NUP93: variants seen among roughly 807,000 people sequenced by gnomAD.
NUP93 encodes nucleoporin 93.
In NUP93, 55 loss-of-function variants were observed where a neutral mutation model predicts 107.8. The observed-to-expected ratio is 0.51, with a 90% confidence interval of 0.41 to 0.64. NUP93 has a LOEUF of 0.64. NUP93 is among the 30% of genes least tolerant of loss of function. NUP93 has a pLI of 0.00. For missense variants in NUP93, 937 were observed against 1,044.7 expected, an observed-to-expected ratio of 0.90 and a Z score of 1.42; for synonymous variants, 390 against 397.5, an observed-to-expected ratio of 0.98 and a Z score of 0.22.
chr16:56,775,043 G>A (rs971913580), intron 3 of NUP93, among the ~76,000 whole-genome samples: 1 of 151,930 alleles, frequency 6.6e-6, no homozygotes, highest in Non-Finnish European at 1.5e-5. Flanking sequence ...GGGACTACAG[G>A]CACATGCCAC....
At position 56,796,035 on chromosome 16, in the gene NUP93, C is replaced by T. The variant is rs192567610; in HGVS notation, c.298-2441C>T. On this transcript the variant is annotated intron_variant, in intron 3 of 21. Coordinates refer to ENST00000308159, the MANE Select transcript of NUP93 (RefSeq NM_014669.5). Reference sequence around the variant, plus strand: ...CACTGCCCAGGTTTTTGGGGTGTGACAGCACCTGTTGGGGAGACATAGGCC... The same window carrying T: ...CACTGCCCAGGTTTTTGGGGTGTGATAGCACCTGTTGGGGAGACATAGGCC... Among the ~76,000 whole-genome samples, 60 of 152,280 alleles carry T rather than the reference C, an allele frequency of 3.9e-4. 1 individual carries two copies. The highest frequency in any genetic ancestry group is 1.4e-3 in the African/African-American group (57 of 41,548).
At chr16:56,787,514 A>T (rs1302843935) in intron 3 of NUP93, among the ~76,000 whole-genome samples, 1 of 152,174 alleles carries the variant, frequency 6.6e-6, no homozygotes, top group African/African-American at 2.4e-5. Context: ...TGACTGCGAG[A>T]CACACCCTCT....
intron 3 of NUP93, among the ~76,000 whole-genome samples, chr16:56,765,675 A>G (rs1273005841): frequency 6.6e-6 from 1 of 152,224 alleles, no homozygotes; most frequent in Non-Finnish European, 1.5e-5. Flanking sequence ...AGTGGTGTCT[A>G]CATCACACCT....
At chr16:56,746,592 T>G (rs1961824461) in intron 1 of NUP93, among the ~76,000 whole-genome samples, 1 of 152,274 alleles carries the variant, frequency 6.6e-6, no homozygotes, top group Non-Finnish European at 1.5e-5. Flanking sequence ...TGCCTTTGCC[T>G]TTAAAGTTAA....
intron 21 of NUP93, among the ~76,000 whole-genome samples, chr16:56,842,379 T>C (rs1964042511): frequency 6.6e-6 from 1 of 152,146 alleles, no homozygotes; most frequent in Admixed American, 6.5e-5. Context: ...GCTGGGTCTC[T>C]CTGACACCTG....
intron 5 of NUP93, among the ~76,000 whole-genome samples, chr16:56,809,893 A>G (rs1963276128): frequency 6.6e-6 from 1 of 152,250 alleles, no homozygotes. Context: ...AAACAAATGT[A>G]TAATATCGTT....
rs1964151061 is a variant in NUP93 at position 56,849,333 on chromosome 16, T to C, written c.*4724T>C. ...ACTGTGAATAATGAAGGCCGGATCT[T>C]TAAAAAGAAAAAGGGACGGGGTGCT... On this transcript the variant is annotated 3_prime_UTR_variant, in exon 22 of 22. Coordinates refer to ENST00000308159, the MANE Select transcript of NUP93 (RefSeq NM_014669.5). 6.6e-6 allele frequency: 1 copy of C among 152,198 alleles called. No homozygotes were observed. Among genetic ancestry groups the C allele is most frequent in the South Asian group, 2.1e-4 (1 of 4,830 alleles). 9.4% of individuals were successfully genotyped at this position (152,198 alleles called of 1,614,324 possible).
chr16:56,747,279 C>A (rs1222239204), intron 1 of NUP93, among the ~76,000 whole-genome samples: 2 of 152,292 alleles, frequency 1.3e-5, no homozygotes, highest in African/African-American at 4.8e-5. Flanking sequence ...GGATTACAGG[C>A]GTGAGCCATT....
At chr16:56,732,382 G>C (rs1177327724) in intron 1 of NUP93, among the ~76,000 whole-genome samples, 1 of 152,218 alleles carries the variant, frequency 6.6e-6, no homozygotes, top group African/African-American at 2.4e-5. Flanking sequence ...GAATGAGACA[G>C]GCCTGCCCTC....
At chr16:56,834,899 T>A in intron 16 of NUP93, 121 bp downstream of exon 16, 1 of 767,436 alleles carries the variant, frequency 1.3e-6, no homozygotes, top group Non-Finnish European at 2.0e-6. Flanking sequence ...CAGAGTTGCT[T>A]AATTTAAAAA....
intron 6 of NUP93, among the ~76,000 whole-genome samples, chr16:56,820,683 A>C (rs1963525123): frequency 1.3e-5 from 2 of 152,228 alleles, no homozygotes. Context: ...TTTAATGTAG[A>C]GGAAACTACA....
At chr16:56,827,435 T>G (rs1963691506) in intron 8 of NUP93, among the ~76,000 whole-genome samples, 1 of 152,184 alleles carries the variant, frequency 6.6e-6, no homozygotes. Flanking sequence ...AATAGAATAC[T>G]TGCATGACTT....
chr16:56,808,475 A>AAAATATATAGTTATGTAACTATAT (rs1385539721), intron 5 of NUP93, among the ~76,000 whole-genome samples: 12 of 115,760 alleles, frequency 1.0e-4, no homozygotes, highest in East Asian at 5.3e-4. Context: ...ATGTAACTAT[A>AAAATATATAGTTATGTAACTATAT]AAATATATAG....
intron 3 of NUP93, among the ~76,000 whole-genome samples, chr16:56,767,456 T>G (rs1321702771): frequency 6.6e-6 from 1 of 152,108 alleles, no homozygotes; most frequent in African/African-American, 2.4e-5. Context: ...TAAGTGGGAG[T>G]ATGGATTTAC....
intron 5 of NUP93, among the ~76,000 whole-genome samples, chr16:56,810,323 G>T (rs547486906): frequency 1.3e-5 from 2 of 152,282 alleles, no homozygotes; most frequent in East Asian, 3.9e-4. Context: ...ATGGAAAAGT[G>T]CACAGACGTA....
At chr16:56,749,063 C>T (rs1465910975) in intron 2 of NUP93, among the ~76,000 whole-genome samples, 1 of 152,168 alleles carries the variant, frequency 6.6e-6, no homozygotes, top group African/African-American at 2.4e-5. Context: ...TGCCACACAG[C>T]ATCAGTTGGG....
At position 56,849,378 on chromosome 16, in the gene NUP93, G is replaced by A. The variant is rs1438208433; in HGVS notation, c.*4769G>A. ...GGTGCTGGCAGAAACCCAGCTCTGC[G>A]CTAGCACAATCTGTACACCTGGCTG... On this transcript the variant is annotated 3_prime_UTR_variant, in exon 22 of 22. Transcript: ENST00000308159. The A allele has an allele frequency of 6.6e-6, 1 of 152,246 alleles. No homozygotes were observed. The highest frequency in any genetic ancestry group is 6.5e-5 in the Admixed American group (1 of 15,284). The allele number at this position is 152,246 out of a possible 1,614,324, so 9.4% of individuals were successfully genotyped here.
chr16:56,806,493 C>T (rs753630805), intron 5 of NUP93, among the ~76,000 whole-genome samples: 1 of 152,222 alleles, frequency 6.6e-6, no homozygotes, highest in Middle Eastern at 3.4e-3. Flanking sequence ...GTATTTCTGG[C>T]TCAGGGTCTC....
At chr16:56,819,598 G>C (rs370488258) in intron 6 of NUP93, among the ~76,000 whole-genome samples, 21 of 152,288 alleles carry the variant, frequency 1.4e-4, no homozygotes, top group Middle Eastern at 3.4e-3. Flanking sequence ...GCCTGGAGTA[G>C]GGTGGTTGGA....
Sources: allele counts gnomAD v4.1 joint callset (sites outside exome capture counted in the v4.1 genomes callset), GRCh38; gene constraint gnomAD v4.1.1; transcripts MANE v1.5; gene names NCBI Gene and HGNC (gene_info 2026-07-23, HGNC 2026-07-21).